Variants in RPTOR observed in about 807,000 individuals in gnomAD.
RPTOR encodes regulatory-associated protein of mTOR.
In RPTOR, 21 loss-of-function variants were observed where a neutral mutation model predicts 169.9. The observed-to-expected ratio is 0.12, with a 90% CI of 0.09 to 0.18. The LOEUF is 0.18. RPTOR is among the 10% of genes least tolerant of loss of function. The probability of loss-of-function intolerance (pLI) is 1.00; values close to 1 mark genes in which losing one functional copy is unlikely to be tolerated. For missense variants in RPTOR, 1,133 were observed against 1,855.9 expected (o/e 0.61, Z 7.16); for synonymous variants, 732 against 753.2 (o/e 0.97, Z 0.46).
intron 20 of RPTOR, among the ~76,000 whole-genome samples, chr17:80,900,365 A>C (rs1598389127): frequency 2.7e-5 from 4 of 149,164 alleles, no homozygotes; most frequent in South Asian, 2.1e-4. Context: ...TCCTCTTGTC[A>C]CTCCAGCTAG....
intron 7 of RPTOR, among the ~76,000 whole-genome samples, chr17:80,806,759 T>A (rs866425301): frequency 3.9e-5 from 6 of 152,268 alleles, no homozygotes; most frequent in Non-Finnish European, 7.3e-5. Context: ...GTCCCATTTT[T>A]AATTAGGAAT....
At chr17:80,732,077 C>G (rs531482920) in intron 5 of RPTOR, among the ~76,000 whole-genome samples, 1 of 152,228 alleles carries the variant, frequency 6.6e-6, no homozygotes, top group African/African-American at 2.4e-5. Flanking sequence ...TTGGTTTACC[C>G]AGGGGATAGG....
At chr17:80,744,685 CCCTGGCTACTAGCACTGT>C (rs1567889126) in intron 5 of RPTOR, among the ~76,000 whole-genome samples, 2 of 52,796 alleles carry the variant, frequency 3.8e-5, no homozygotes, top group Middle Eastern at 0.011. Context: ...ACTAGCACAG[CCCTGGCTACTAGCACTGT>C]CCTGGCTACT....
At chr17:80,921,855 G>C (rs1357300403) in intron 21 of RPTOR, among the ~76,000 whole-genome samples, 2 of 152,162 alleles carry the variant, frequency 1.3e-5, no homozygotes, top group African/African-American at 4.8e-5. Context: ...CCCCAGGGCA[G>C]GTTTCAGCCA....
intron 10 of RPTOR, among the ~76,000 whole-genome samples, chr17:80,841,625 G>GGCAGCTCACACTCACCACAC (rs2067661002): frequency 1.7e-5 from 1 of 57,210 alleles, no homozygotes; most frequent in African/African-American, 7.9e-5. Flanking sequence ...TCTCACCGCA[G>GGCAGCTCACACTCACCACAC]GGCAGCTGAC....
chr17:80,846,842 T>G (rs2067736852), intron 11 of RPTOR, among the ~76,000 whole-genome samples: 1 of 152,232 alleles, frequency 6.6e-6, no homozygotes, highest in South Asian at 2.1e-4. Context: ...CACCCTCAGA[T>G]AAGTGTAACT....
chr17:80,634,446 A>T (rs2065476604), intron 2 of RPTOR, among the ~76,000 whole-genome samples: 1 of 94,742 alleles, frequency 1.1e-5, no homozygotes. Flanking sequence ...CTGTGTGCAT[A>T]CTTTGTGTGT....
chr17:80,869,813 C>T (rs2143794492), intron 13 of RPTOR, among the ~76,000 whole-genome samples: 1 of 152,264 alleles, frequency 6.6e-6, no homozygotes, highest in South Asian at 2.1e-4. Flanking sequence ...CAGAAAAACA[C>T]AGGGGATCAG....
Position 80,609,017 on chromosome 17 carries a change from G to T in RPTOR, c.163-16674G>T, listed in dbSNP as rs2065248740. On this transcript the variant is annotated intron_variant, in intron 1 of 33. Coordinates refer to ENST00000306801, the MANE Select transcript of RPTOR (RefSeq NM_020761.3). The surrounding 1 kb of genome is among the most constrained non-coding windows in gnomAD (Gnocchi z 4.8). ...CAATGACAAGAAGAAGTCAGAGTGG[G>T]CAGGAGGCACTAGGCCAGGAGAGGA... 6.6e-6 allele frequency among the ~76,000 whole-genome samples: 1 copy of T among 152,172 alleles called. No individual in the cohort carries two copies. Among genetic ancestry groups the T allele is most frequent in the Non-Finnish European group, 1.5e-5 (1 of 68,040 alleles).
At chr17:80,916,627 T>C (rs960858544) in intron 21 of RPTOR, among the ~76,000 whole-genome samples, 1 of 152,256 alleles carries the variant, frequency 6.6e-6, no homozygotes, top group Non-Finnish European at 1.5e-5. Flanking sequence ...CAGAGGTTTC[T>C]GGCTGGCAAA....
At chr17:80,888,262 G>A (rs1012166556) in intron 17 of RPTOR, among the ~76,000 whole-genome samples, 2 of 152,190 alleles carry the variant, frequency 1.3e-5, no homozygotes, top group Non-Finnish European at 1.5e-5. Context: ...CCACAGGCGC[G>A]TGCCACCATG....
chr17:80,930,423 GCTCAT>G (rs2068878327), intron 24 of RPTOR, among the ~76,000 whole-genome samples: 1 of 920 alleles, frequency 1.1e-3, no homozygotes, highest in South Asian at 0.025. Context: ...CTCATCCTCA[GCTCAT>G]CCTCATCCCC....
chr17:80,894,097 A>G (rs771197777), intron 20 of RPTOR, among the ~76,000 whole-genome samples: 46 of 148,638 alleles, frequency 3.1e-4, no homozygotes, highest in Non-Finnish European at 5.8e-4. Context: ...CTCCGGAGCC[A>G]TCGGAGCTGG....
intron 19 of RPTOR, among the ~76,000 whole-genome samples, chr17:80,893,348 GGT>G (rs1440812009): frequency 1.4e-5 from 2 of 148,070 alleles, no homozygotes; most frequent in African/African-American, 2.5e-5. Flanking sequence ...TGTGCGCCAG[GGT>G]GTGTGTGTGC....
At chr17:80,900,617 GC>G (rs2068464480) in intron 20 of RPTOR, among the ~76,000 whole-genome samples, 1 of 152,208 alleles carries the variant, frequency 6.6e-6, no homozygotes, top group Non-Finnish European at 1.5e-5. Flanking sequence ...TGCTCGACTG[GC>G]CTTCTTCTTT....
intron 3 of RPTOR, among the ~76,000 whole-genome samples, chr17:80,699,124 C>T (rs1567863601): frequency 7.2e-5 from 11 of 152,226 alleles, no homozygotes; most frequent in Admixed American, 7.2e-4. Context: ...GTTTAAAATG[C>T]CCTCAAAATA....
intron 21 of RPTOR, among the ~76,000 whole-genome samples, chr17:80,914,299 C>G (rs1001835541): frequency 1.3e-5 from 2 of 152,250 alleles, no homozygotes; most frequent in South Asian, 2.1e-4. Context: ...CTACAGCCAC[C>G]CAGCCACAAC....
chr17:80,600,631 G>A (rs1447194965), intron 1 of RPTOR, among the ~76,000 whole-genome samples: 1 of 152,112 alleles, frequency 6.6e-6, no homozygotes, highest in African/African-American at 2.4e-5. Context: ...GATGGAAGAG[G>A]GGTGGACTTG....
chr17:80,919,209 A>C (rs1358899429), intron 21 of RPTOR, among the ~76,000 whole-genome samples: 1 of 152,218 alleles, frequency 6.6e-6, no homozygotes, highest in Admixed American at 6.5e-5. Flanking sequence ...AGTTCGTAGG[A>C]TTTATCTAGG....
Sources: allele counts gnomAD v4.1 joint callset (sites outside exome capture counted in the v4.1 genomes callset), GRCh38; gene constraint gnomAD v4.1.1; non-coding constraint Gnocchi (gnomAD v3.1); transcripts MANE v1.5; gene names NCBI Gene and HGNC (gene_info 2026-07-23, HGNC 2026-07-21).